PCDHGB2: variants seen among roughly 807,000 people sequenced by gnomAD.
The protein encoded by PCDHGB2 is protocadherin gamma subfamily B, 2.
A neutral mutation model predicts 59.3 loss-of-function variants in PCDHGB2; 55 were observed. That is an observed-to-expected ratio of 0.93 (90% CI 0.75 to 1.16). The LOEUF (loss-of-function observed/expected upper bound fraction) is 1.16, where lower values mean the gene tolerates loss of function less well. PCDHGB2 is among the 50% of genes most tolerant of loss of function. The probability of loss-of-function intolerance (pLI) is 0.00; values close to 1 mark genes in which losing one functional copy is unlikely to be tolerated. For missense variants in PCDHGB2, 1,228 were observed against 1,198.5 expected (o/e 1.02, Z -0.36); for synonymous variants, 516 against 512.0 (o/e 1.01, Z -0.11).
Position 141,491,509 on chromosome 5 carries a change from C to T in PCDHGB2, c.2422-3298C>T. 6.2e-7 allele frequency: 1 copy of T among 1,614,058 alleles called. No individual in the cohort carries two copies. Among genetic ancestry groups the T allele is most frequent in the Non-Finnish European group, 8.5e-7 (1 of 1,180,022 alleles). On this transcript the variant is annotated intron_variant, in intron 1 of 3. Coordinates refer to ENST00000522605, the MANE Select transcript of PCDHGB2 (RefSeq NM_018923.3). The surrounding 1 kb of genome is among the most constrained non-coding windows in gnomAD (Gnocchi z 6.9). Reference sequence around the variant, plus strand: ...CCTGCAGGTGAGCTCGGACGGCACGCTCAAGTACATGGAGGTGACGCTGCG... The same window carrying T: ...CCTGCAGGTGAGCTCGGACGGCACGTTCAAGTACATGGAGGTGACGCTGCG...
rs1175280816 is a variant in PCDHGB2 at position 141,511,121 on chromosome 5, C to T, written c.2744C>T (p.Pro915Leu). 2 of 1,614,102 alleles carry T rather than the reference C, an allele frequency of 1.2e-6. No homozygotes were observed. Among genetic ancestry groups the T allele is most frequent in the African/African-American group, 1.3e-5 (1 of 74,938 alleles). Residue 915 changes from proline (P) to leucine (L), a missense_variant, in exon 4 of 4, where the codon CCA becomes CTA. This residue lies in a region of PCDHGB2 where 433 missense variants were observed against 441.8 expected (regional missense o/e 0.98). Transcript: ENST00000522605. ...GCTGGCAAGCGGGATGGCAAGGCCCCAGCAGGTGGCAATGGCAACAAGAAG... is the reference window on the plus strand; with the variant it reads ...GCTGGCAAGCGGGATGGCAAGGCCCTAGCAGGTGGCAATGGCAACAAGAAG... ...NAAGKRDGKA[P>L]AGGNGNKKKS...
chr5:141,383,626 T>C (rs747491955), intron 1 of PCDHGB2: 1 of 1,613,896 alleles, frequency 6.2e-7, no homozygotes, highest in Non-Finnish European at 8.5e-7. Context: ...GCCTGTCTTC[T>C]CTCTGCCTCA....
chr5:141,507,851 C>T (rs570052933), intron 3 of PCDHGB2, among the ~76,000 whole-genome samples: 48 of 152,322 alleles, frequency 3.2e-4, no homozygotes, highest in African/African-American at 1.1e-3. Context: ...CCTGCTCTCA[C>T]TTTCACACCC....
Position 141,491,306 on chromosome 5 carries a change from A to G in PCDHGB2, c.2422-3501A>G. ...CTCATACACCCTCCTGAGCGTTCAGACCTTACCCTTTACCTCATTGTGGCT... is the reference window on the plus strand; with the variant it reads ...CTCATACACCCTCCTGAGCGTTCAGGCCTTACCCTTTACCTCATTGTGGCT... On this transcript the variant is annotated intron_variant, in intron 1 of 3. Coordinates refer to ENST00000522605, the MANE Select transcript of PCDHGB2 (RefSeq NM_018923.3). This position sits in a 1 kb window ranked among gnomAD's most constrained non-coding sequence, Gnocchi z 6.9. 1 of 1,614,032 alleles carries G rather than the reference A, an allele frequency of 6.2e-7. No individual in the cohort carries two copies. The highest frequency in any genetic ancestry group is 2.2e-5 in the East Asian group (1 of 44,872).
Position 141,432,211 on chromosome 5 carries a change from C to A in PCDHGB2, c.2422-62596C>A, listed in dbSNP as rs1390215329. On this transcript the variant is annotated intron_variant, in intron 1 of 3. Coordinates refer to ENST00000522605, the MANE Select transcript of PCDHGB2 (RefSeq NM_018923.3). The surrounding 1 kb of genome is among the most constrained non-coding windows in gnomAD (Gnocchi z 6.0). The stretch of plus-strand genomic sequence containing the variant: ...CCCACGACCCCGACTGTGAAGAGAA[C>A]GCCCAGATCACTTATTCCCTGGCTG... 1 of 1,614,232 alleles carries A rather than the reference C, an allele frequency of 6.2e-7. No individual in the cohort carries two copies. Among genetic ancestry groups the A allele is most frequent in the Admixed American group, 1.7e-5 (1 of 60,032 alleles).
At chr5:141,447,371 C>G (rs1180989888) in intron 1 of PCDHGB2, among the ~76,000 whole-genome samples, 1 of 151,826 alleles carries the variant, frequency 6.6e-6, no homozygotes, top group African/African-American at 2.4e-5. Context: ...ACTCCTGACC[C>G]TGGTGATCTG....
chr5:141,500,445 G>A (rs1319009998), intron 2 of PCDHGB2, among the ~76,000 whole-genome samples: 1 of 151,816 alleles, frequency 6.6e-6, no homozygotes, highest in Non-Finnish European at 1.5e-5. Flanking sequence ...TCCTGACCTC[G>A]TGATCCGCCC....
intron 1 of PCDHGB2, chr5:141,423,553 T>G: frequency 2.5e-6 from 4 of 1,613,548 alleles, no homozygotes; most frequent in Non-Finnish European, 3.4e-6. Flanking sequence ...CCAGCCCAAC[T>G]ATGGGGACAC....
chr5:141,408,641 T>C, intron 1 of PCDHGB2: 1 of 1,614,034 alleles, frequency 6.2e-7, no homozygotes, highest in Non-Finnish European at 8.5e-7. Context: ...CGAATCTGCA[T>C]CCGCTGGTAC....
chr5:141,422,807 G>C (rs199507728), intron 1 of PCDHGB2: 7 of 1,614,198 alleles, frequency 4.3e-6, no homozygotes, highest in Non-Finnish European at 5.9e-6. Context: ...GAGCAGTTTC[G>C]AGACTTAGAA....
intron 1 of PCDHGB2, chr5:141,414,096 A>G (rs2095708665): frequency 1.9e-6 from 3 of 1,595,210 alleles, no homozygotes; most frequent in Middle Eastern, 3.3e-4. Context: ...AAATAAAAAT[A>G]TCAGAAAATC....
Position 141,487,390 on chromosome 5 carries a change from G to A in PCDHGB2, c.2422-7417G>A, listed in dbSNP as rs769886634. On this transcript the variant is annotated intron_variant, in intron 1 of 3. Coordinates refer to ENST00000522605, the MANE Select transcript of PCDHGB2 (RefSeq NM_018923.3). The surrounding 1 kb of genome is among the most constrained non-coding windows in gnomAD (Gnocchi z 5.0). The stretch of plus-strand genomic sequence containing the variant: ...GTGCCTGTCTCACCAGATCTCGAAG[G>A]AGGGAGGGGCTTCCCCCTTCCAATG... 1.2e-6 allele frequency: 2 copies of A among 1,614,182 alleles called. No homozygotes were observed. The highest frequency in any genetic ancestry group is 1.3e-5 in the African/African-American group (1 of 75,070).
Position 141,361,130 on chromosome 5 carries a change from GT to G in PCDHGB2, c.996del (p.Ser332ArgfsTer18), listed in dbSNP as rs780553353. On this transcript the variant is annotated frameshift_variant, in exon 1 of 4. Coordinates refer to ENST00000522605, the MANE Select transcript of PCDHGB2 (RefSeq NM_018923.3). LOFTEE classifies it high-confidence loss of function. ...CCTGGAGATCTAGCAGCCCACTGCA[GT>G]ATCCAAGTTGAAATTCTTGATGACA... ...KDPGDLAAHC[S>X]IQVEILDDND... The G allele has an allele frequency of 1.2e-4, 192 of 1,613,888 alleles. 1 individual carries two copies. The Admixed American group carries it at 3.2e-3, about 27-fold the overall frequency.
chr5:141,500,986 A>G (rs1223940696), intron 2 of PCDHGB2, among the ~76,000 whole-genome samples: 1 of 151,656 alleles, frequency 6.6e-6, no homozygotes, highest in East Asian at 1.9e-4. Flanking sequence ...CTCCTGCCTC[A>G]GCCTCCTGAG....
rs774079222 is a variant in PCDHGB2, at chr5:141,491,314, C to G, written c.2422-3493C>G. On this transcript the variant is annotated intron_variant, in intron 1 of 3. Transcript: ENST00000522605. The surrounding 1 kb of genome is among the most constrained non-coding windows in gnomAD (Gnocchi z 6.9). ...CCCTCCTGAGCGTTCAGACCTTACC[C>G]TTTACCTCATTGTGGCTCTAGCGAC... is the stretch of plus-strand genomic sequence containing the variant. 6 of 1,614,064 alleles carry G rather than the reference C, an allele frequency of 3.7e-6. No individual in the cohort carries two copies. In the South Asian group the frequency reaches 5.5e-5, roughly 15 times the overall value.
intron 1 of PCDHGB2, chr5:141,426,170 T>G (rs2096918811): frequency 6.4e-6 from 1 of 155,200 alleles, no homozygotes. Flanking sequence ...CCATACGGAT[T>G]GGGGTGCCCT....
chr5:141,461,429 T>A lies in PCDHGB2; in HGVS notation c.2422-33378T>A, dbSNP rs193056679. On this transcript the variant is annotated intron_variant, in intron 1 of 3. Coordinates refer to ENST00000522605, the MANE Select transcript of PCDHGB2 (RefSeq NM_018923.3). The stretch of plus-strand genomic sequence containing the variant: ...TTTTCATATGTTTGTGGGCCATTTG[T>A]ATACCTTCTTTTGAGAAATGGCTAT... Among the ~76,000 whole-genome samples the A allele has an allele frequency of 5.6e-4, 85 of 152,328 alleles. 1 individual carries two copies. The highest frequency in any genetic ancestry group is 1.5e-3 in the African/African-American group (64 of 41,580).
At chr5:141,387,479 A>C (rs2090961106) in intron 1 of PCDHGB2, among the ~76,000 whole-genome samples, 1 of 152,258 alleles carries the variant, frequency 6.6e-6, no homozygotes, top group Non-Finnish European at 1.5e-5. Context: ...AGTTGGGATG[A>C]AGGCATTCCT....
chr5:141,428,167 G>GCGTGA (rs746443726), intron 1 of PCDHGB2: 3 of 1,548,998 alleles, frequency 1.9e-6, no homozygotes, highest in South Asian at 1.1e-5. Context: ...TGGTTGCTGT[G>GCGTGA]CGTGACGGAG....
Sources: gnomAD v4.1 joint callset for allele counts (sites outside exome capture counted in the v4.1 genomes callset) on GRCh38, gnomAD v4.1.1 for gene constraint, gnomAD v4.1.1 regional missense constraint, Gnocchi (gnomAD v3.1) non-coding constraint, MANE v1.5 for transcripts, NCBI Gene and HGNC (gene_info 2026-07-23, HGNC 2026-07-21) for gene names.